The following PCDH15 variants were observed in gnomAD, a reference collection of about 807,000 sequenced individuals.
The protein encoded by PCDH15 is protocadherin related 15.
Under a neutral mutation model 178.5 loss-of-function variants are expected in PCDH15, and 129 were observed. That is an observed-to-expected ratio of 0.72 (90% CI 0.63 to 0.84). PCDH15 has a LOEUF of 0.84. Among genes scored for constraint, PCDH15 ranks in the 40% least tolerant of loss-of-function variants. The pLI is 0.00. For missense variants in PCDH15, 2,230 were observed against 2,099.9 expected (o/e 1.06, Z -1.21); for synonymous variants, 800 against 732.0 (o/e 1.09, Z -1.50).
intron 2 of PCDH15, among the ~76,000 whole-genome samples, chr10:55,417,124 T>C (rs997015760): frequency 2.6e-5 from 4 of 151,834 alleles, no homozygotes; most frequent in Admixed American, 6.6e-5. Context: ...TTGGAAATTG[T>C]ATCATATTCA....
intron 3 of PCDH15, among the ~76,000 whole-genome samples, chr10:54,397,841 GACCTTTTAAAAT>G (rs1402712702): frequency 7.9e-5 from 12 of 151,844 alleles, no homozygotes; most frequent in African/African-American, 2.7e-4. Flanking sequence ...AAGGATTCTA[GACCTTTTAAAAT>G]TAAGATATTC....
At chr10:54,539,391 T>C (rs1036377909) in intron 2 of PCDH15, among the ~76,000 whole-genome samples, 1 of 152,176 alleles carries the variant, frequency 6.6e-6, no homozygotes, top group Non-Finnish European at 1.5e-5. Context: ...AGAAGGGCAT[T>C]ACATAATGAT....
intron 26 of PCDH15, among the ~76,000 whole-genome samples, chr10:53,888,359 C>CATGT (rs1554845365): frequency 9.3e-6 from 1 of 107,148 alleles, no homozygotes; most frequent in African/African-American, 4.2e-5. Context: ...CGTATATATA[C>CATGT]ATATATATAT....
chr10:54,551,943 A>C (rs1387372984), intron 2 of PCDH15, among the ~76,000 whole-genome samples: 1 of 152,122 alleles, frequency 6.6e-6, no homozygotes, highest in South Asian at 2.1e-4. Flanking sequence ...TATGAAAAAG[A>C]AAATAAATAA....
At chr10:55,028,334 G>A (rs747432167) in intron 2 of PCDH15, among the ~76,000 whole-genome samples, 1 of 151,784 alleles carries the variant, frequency 6.6e-6, no homozygotes, top group Non-Finnish European at 1.5e-5. Flanking sequence ...GTAAATCTAA[G>A]AAGAAAATTT....
intron 3 of PCDH15, among the ~76,000 whole-genome samples, chr10:54,379,812 TTATAGA>T (rs1395843085): frequency 3.3e-5 from 5 of 152,052 alleles, no homozygotes; most frequent in Admixed American, 6.6e-5. Context: ...TTTATTAAAC[TTATAGA>T]TATAGAAGAG....
At chr10:54,373,109 A>AT (rs1305535774) in intron 4 of PCDH15, among the ~76,000 whole-genome samples, 2 of 151,888 alleles carry the variant, frequency 1.3e-5, no homozygotes, top group African/African-American at 2.4e-5. Flanking sequence ...GGATTTGTTG[A>AT]TATTAGCAGT....
Position 54,647,407 on chromosome 10 carries a change from TA to T in PCDH15, c.91+16764del, listed in dbSNP as rs1211281374. Among the ~76,000 whole-genome samples the T allele has an allele frequency of 5.3e-5, 8 of 152,040 alleles. No individual in the cohort carries two copies. The East Asian group carries it at 1.4e-3, about 26-fold the overall frequency. ...ATGCTAAACAACATGTGTAGATATT[TA>T]GTTATGAAAGATAAAAATTCTAGAA... On this transcript the variant is annotated intron_variant, in intron 2 of 37. Transcript: ENST00000644397.
At chr10:55,005,253 T>C (rs532921687) in intron 2 of PCDH15, among the ~76,000 whole-genome samples, 1 of 95,786 alleles carries the variant, frequency 1.0e-5, no homozygotes, top group South Asian at 3.5e-4. Flanking sequence ...GGTAGAATTG[T>C]ATTTTTATCT....
chr10:55,046,363 C>G (rs1253445657), intron 2 of PCDH15, among the ~76,000 whole-genome samples: 1 of 151,920 alleles, frequency 6.6e-6, no homozygotes, highest in Non-Finnish European at 1.5e-5. Context: ...ATGGTGTGTA[C>G]TATTGTTTTA....
At chr10:55,081,520 T>A (rs1842042086) in intron 2 of PCDH15, among the ~76,000 whole-genome samples, 1 of 152,170 alleles carries the variant, frequency 6.6e-6, no homozygotes, top group African/African-American at 2.4e-5. Flanking sequence ...TACATTGAAA[T>A]CTTAACCATA....
intron 2 of PCDH15, chr10:55,600,065 A>G: frequency 3.3e-6 from 3 of 907,622 alleles, no homozygotes; most frequent in Non-Finnish European, 4.5e-6. Flanking sequence ...TCCCTGCATT[A>G]AAAATTTTGG....
chr10:55,436,860 T>A (rs942742246), intron 2 of PCDH15, among the ~76,000 whole-genome samples: 2 of 152,310 alleles, frequency 1.3e-5, no homozygotes, highest in Admixed American at 1.3e-4. Flanking sequence ...TTCCGTTGTA[T>A]CATTCAGAAA....
intron 8 of PCDH15, among the ~76,000 whole-genome samples, chr10:54,269,440 A>G (rs2057908927): frequency 6.6e-6 from 1 of 151,990 alleles, no homozygotes; most frequent in Non-Finnish European, 1.5e-5. Flanking sequence ...AAAAAAGATG[A>G]AAAACAATTG....
chr10:55,265,464 A>G (rs1427301910), intron 1 of PCDH15, among the ~76,000 whole-genome samples: 4 of 152,102 alleles, frequency 2.6e-5, no homozygotes, highest in Non-Finnish European at 2.9e-5. Context: ...GACAATGAGA[A>G]GCAGTACACT....
intron 2 of PCDH15, among the ~76,000 whole-genome samples, chr10:55,368,257 A>G (rs1557218): frequency 0.31 from 47,251 of 152,032 alleles, 8,267 homozygotes; most frequent in Admixed American, 0.4. Flanking sequence ...CAGTGTACAC[A>G]TAACATCATT....
intron 3 of PCDH15, among the ~76,000 whole-genome samples, chr10:54,891,068 G>A (rs930237676): frequency 6.6e-6 from 1 of 152,034 alleles, no homozygotes; most frequent in Non-Finnish European, 1.5e-5. Context: ...TGGTCCTTTT[G>A]ACACCGATGC....
At chr10:55,011,711 A>G (rs1366557609) in intron 2 of PCDH15, among the ~76,000 whole-genome samples, 1 of 152,150 alleles carries the variant, frequency 6.6e-6, no homozygotes, top group African/African-American at 2.4e-5. Flanking sequence ...GTACATTAAT[A>G]GGTCATGATG....
intron 14 of PCDH15, among the ~76,000 whole-genome samples, chr10:54,136,237 T>C (rs1393779129): frequency 6.6e-6 from 1 of 152,140 alleles, no homozygotes; most frequent in Non-Finnish European, 1.5e-5. Context: ...AAAGTTCTAC[T>C]TATAGAAACT....
Sources: allele counts gnomAD v4.1 joint callset (sites outside exome capture counted in the v4.1 genomes callset), GRCh38; gene constraint gnomAD v4.1.1; transcripts MANE v1.5; gene names NCBI Gene and HGNC (gene_info 2026-07-23, HGNC 2026-07-21).